AGBL1: variants seen among roughly 807,000 people sequenced by gnomAD.
AGBL1 encodes AGBL carboxypeptidase 1.
Under a neutral mutation model 118.9 loss-of-function variants are expected in AGBL1, and 130 were observed. That is an observed-to-expected ratio of 1.09 (90% CI 0.95 to 1.26). AGBL1 has a LOEUF of 1.26. AGBL1 is among the 50% of genes most tolerant of loss of function. The pLI is 0.00. For synonymous variants in AGBL1, 555 were observed against 478.9 expected, an observed-to-expected ratio of 1.16 and a Z score of -2.08; for missense variants, 1,584 against 1,298.1, an observed-to-expected ratio of 1.22 and a Z score of -3.38.
intron 1 of AGBL1, among the ~76,000 whole-genome samples, chr15:86,135,148 G>A (rs1488357757): frequency 1.3e-5 from 2 of 152,132 alleles, no homozygotes; most frequent in African/African-American, 2.4e-5. Flanking sequence ...GAGCGGGTGA[G>A]TTCTCACTCC....
At position 86,082,876 on chromosome 15, in the gene AGBL1, C is replaced by T. The variant is rs72748095; in HGVS notation, c.51+2853C>T. ...AGGCAGGCAGCCCACAGCACAGGTGCGAGAGGCAGAAAGGACTGGATCCAG... is the reference window on the plus strand; with the variant it reads ...AGGCAGGCAGCCCACAGCACAGGTGTGAGAGGCAGAAAGGACTGGATCCAG... On this transcript the variant is annotated intron_variant, in intron 1 of 22. Transcript: ENST00000614907. Among the ~76,000 whole-genome samples the T allele has an allele frequency of 7.4e-3, 1,131 of 152,286 alleles. 8 individuals carry two copies. Among genetic ancestry groups the T allele is most frequent in the Non-Finnish European group, 0.011 (747 of 68,028 alleles).
At chr15:86,105,482 A>G (rs2141516917) in intron 1 of AGBL1, among the ~76,000 whole-genome samples, 1 of 152,358 alleles carries the variant, frequency 6.6e-6, no homozygotes, top group East Asian at 1.9e-4. Flanking sequence ...AATATCCCTG[A>G]GGAATTTGGA....
At position 86,915,274 on chromosome 15, in the gene AGBL1, G is replaced by C. The variant is rs992509921; in HGVS notation, c.*7980G>C. 6.6e-6 allele frequency: 1 copy of C among 152,134 alleles called. No individual in the cohort carries two copies. Among genetic ancestry groups the C allele is most frequent in the African/African-American group, 2.4e-5 (1 of 41,396 alleles). The allele number at this position is 152,134 out of a possible 1,614,324, so 9.4% of individuals were successfully genotyped here. On this transcript the variant is annotated 3_prime_UTR_variant, in exon 23 of 23. Coordinates refer to ENST00000614907, the MANE Select transcript of AGBL1 (RefSeq NM_001386094.1). Reference sequence around the variant, plus strand: ...CTGATAGTATTAGGAAGGAAAACCGGCTTCTACTTTCGCAGTTTATAATTT... The same window carrying C: ...CTGATAGTATTAGGAAGGAAAACCGCCTTCTACTTTCGCAGTTTATAATTT...
At chr15:86,352,777 T>C (rs2080648873) in intron 17 of AGBL1, among the ~76,000 whole-genome samples, 1 of 152,122 alleles carries the variant, frequency 6.6e-6, no homozygotes, top group African/African-American at 2.4e-5. Context: ...TGAGCCACCA[T>C]GCCCAGCCAC....
chr15:86,431,684 G>A (rs141295457), intron 18 of AGBL1, among the ~76,000 whole-genome samples: 4 of 152,236 alleles, frequency 2.6e-5, no homozygotes, highest in South Asian at 2.1e-4. Flanking sequence ...GATTCCACAC[G>A]CATTTCTAAA....
intron 24 of AGBL1, among the ~76,000 whole-genome samples, chr15:87,006,513 G>A (rs2081506198): frequency 6.6e-6 from 1 of 152,164 alleles, no homozygotes; most frequent in South Asian, 2.1e-4. Context: ...ATAATCTCCT[G>A]GTGTGCTGTT....
intron 22 of AGBL1, among the ~76,000 whole-genome samples, chr15:86,688,848 TC>T (rs1428332201): frequency 6.6e-6 from 1 of 152,098 alleles, no homozygotes; most frequent in African/African-American, 2.4e-5. Flanking sequence ...AATATCAAGT[TC>T]CTTTGTAATT....
At chr15:86,293,889 T>A (rs762216084) in intron 16 of AGBL1, among the ~76,000 whole-genome samples, 5 of 152,130 alleles carry the variant, frequency 3.3e-5, no homozygotes, top group Non-Finnish European at 7.4e-5. Flanking sequence ...TCTTAATACC[T>A]CCTTGATTGT....
intron 23 of AGBL1, among the ~76,000 whole-genome samples, chr15:86,950,480 C>T (rs1409646213): frequency 6.7e-6 from 1 of 149,350 alleles, no homozygotes; most frequent in Non-Finnish European, 1.5e-5. Flanking sequence ...AAGAAGATTT[C>T]ATAAGTAGGA....
intron 21 of AGBL1, among the ~76,000 whole-genome samples, chr15:86,556,537 G>A (rs1169228756): frequency 1.3e-5 from 2 of 152,206 alleles, no homozygotes; most frequent in East Asian, 3.8e-4. Flanking sequence ...TACTCACAGA[G>A]GATGGTGAGT....
chr15:86,938,098 C>A (rs1408695313), intron 23 of AGBL1, among the ~76,000 whole-genome samples: 1 of 152,148 alleles, frequency 6.6e-6, no homozygotes, highest in African/African-American at 2.4e-5. Flanking sequence ...CATATCCATT[C>A]CAAGGCATGA....
At chr15:86,958,497 T>C (rs1490004978) in intron 23 of AGBL1, among the ~76,000 whole-genome samples, 2 of 152,108 alleles carry the variant, frequency 1.3e-5, no homozygotes, top group African/African-American at 4.8e-5. Flanking sequence ...AAATTTGGTG[T>C]ATATGCAATG....
chr15:86,706,738 A>G (rs958933581), intron 22 of AGBL1, among the ~76,000 whole-genome samples: 1 of 152,136 alleles, frequency 6.6e-6, no homozygotes, highest in Non-Finnish European at 1.5e-5. Context: ...GGCATATTTT[A>G]TCTTCTGTCT....
chr15:86,671,977 TAAAC>T (rs2085753867), intron 21 of AGBL1, among the ~76,000 whole-genome samples: 1 of 152,230 alleles, frequency 6.6e-6, no homozygotes, highest in East Asian at 1.9e-4. Context: ...GTCATCTACA[TAAAC>T]AAATATATTT....
chr15:86,344,465 G>T (rs993682711), intron 17 of AGBL1, among the ~76,000 whole-genome samples: 2 of 152,026 alleles, frequency 1.3e-5, no homozygotes, highest in African/African-American at 4.8e-5. Context: ...CCCTAGAGTT[G>T]TGCAGTGTAC....
chr15:86,832,981 G>A (rs2079126151), intron 22 of AGBL1, among the ~76,000 whole-genome samples: 1 of 152,134 alleles, frequency 6.6e-6, no homozygotes, highest in African/African-American at 2.4e-5. Flanking sequence ...CATCATGGAA[G>A]GCAAACGAGG....
chr15:86,410,839 T>TATAA lies in AGBL1; in HGVS notation c.2555+13294_2555+13297dup, dbSNP rs1555481506. ...ATATATATATATATATATATATATA[T>TATAA]ATAATATACTATTTTATATATAAAA... On this transcript the variant is annotated intron_variant, in intron 18 of 22. Transcript: ENST00000614907. Among the ~76,000 whole-genome samples, 277 of 67,864 alleles carry TATAA rather than the reference T, an allele frequency of 4.1e-3. 1 individual carries two copies. Among genetic ancestry groups the TATAA allele is most frequent in the East Asian group, 0.014 (16 of 1,182 alleles). 44.5% of individuals were successfully genotyped at this position (67,864 alleles called of 152,430 possible).
chr15:86,108,959 A>G (rs919425246), intron 1 of AGBL1, among the ~76,000 whole-genome samples: 2 of 152,172 alleles, frequency 1.3e-5, no homozygotes, highest in African/African-American at 4.8e-5. Context: ...TCCATCTCAA[A>G]CAAACAAACA....
At chr15:86,605,324 AG>A (rs2084560424) in intron 21 of AGBL1, among the ~76,000 whole-genome samples, 1 of 151,980 alleles carries the variant, frequency 6.6e-6, no homozygotes, top group African/African-American at 2.4e-5. Context: ...AAAAAAAAAA[AG>A]AATCTTACAT....
Sources: allele counts gnomAD v4.1 joint callset (sites outside exome capture counted in the v4.1 genomes callset), GRCh38; gene constraint gnomAD v4.1.1; transcripts MANE v1.5; gene names NCBI Gene and HGNC (gene_info 2026-07-23, HGNC 2026-07-21).